The following CD38 variants were observed in gnomAD, a reference collection of about 807,000 sequenced individuals.
CD38 encodes CD38 molecule, also known as ADP-ribosyl cyclase/cyclic ADP-ribose hydrolase 1.
CD38 carries 31 observed loss-of-function variants against 36.3 expected under a neutral mutation model. The ratio of observed to expected loss-of-function variants is 0.85; its 90% CI spans 0.64 to 1.15. The LOEUF (loss-of-function observed/expected upper bound fraction) is 1.15. Among genes scored for constraint, CD38 ranks in the 50% most tolerant of loss-of-function variants. The probability of loss-of-function intolerance (pLI) is 0.00; values close to 1 mark genes in which losing one functional copy is unlikely to be tolerated. For missense variants in CD38, 380 were observed against 371.9 expected (o/e 1.02, Z -0.18); for synonymous variants, 131 against 135.2 (o/e 0.97, Z 0.22).
chr4:15,786,905 A>G (rs1030575038), intron 1 of CD38, among the ~76,000 whole-genome samples: 2 of 152,242 alleles, frequency 1.3e-5, no homozygotes, highest in Admixed American at 6.5e-5. Flanking sequence ...AGGCCCAGCA[A>G]GAATTGGAGC....
intron 2 of CD38, among the ~76,000 whole-genome samples, chr4:15,817,771 G>T (rs185444509): frequency 3.3e-5 from 5 of 152,258 alleles, no homozygotes; most frequent in Non-Finnish European, 5.9e-5. Flanking sequence ...TGAATAGGGG[G>T]AGGAGCCAAG....
At chr4:15,797,740 C>G (rs1723131551) in intron 1 of CD38, among the ~76,000 whole-genome samples, 1 of 152,134 alleles carries the variant, frequency 6.6e-6, no homozygotes, top group Non-Finnish European at 1.5e-5. Flanking sequence ...TGTTCCTTGT[C>G]TTGTTGATGG....
In CD38 at chr4:15,852,716, G is replaced by A. The variant is rs1204820367; in HGVS notation, c.*4114G>A. The A allele has an allele frequency of 2.0e-5, 3 of 152,152 alleles. No individual in the cohort carries two copies. The highest frequency in any genetic ancestry group is 3.9e-4 in the East Asian group (2 of 5,170). 9.4% of individuals were successfully genotyped at this position (152,152 alleles called of 1,614,324 possible). A position where few individuals can be genotyped will look rare whatever the true frequency, so the allele number is the denominator to read the frequency against. ...CCAAGAACTCAGTAGGCAGCTGAGA[G>A]GTGCTGCCCAGAGAAGTGGTGATTA... On this transcript the variant is annotated 3_prime_UTR_variant, in exon 8 of 8. Coordinates refer to ENST00000226279, the MANE Select transcript of CD38 (RefSeq NM_001775.4).
intron 2 of CD38, among the ~76,000 whole-genome samples, chr4:15,816,911 A>G: frequency 6.6e-6 from 1 of 152,210 alleles, no homozygotes; most frequent in East Asian, 1.9e-4. Flanking sequence ...AAAACCTAAC[A>G]CCAAACCCAA....
At chr4:15,819,104 C>T (rs932074373) in intron 2 of CD38, among the ~76,000 whole-genome samples, 6 of 146,876 alleles carry the variant, frequency 4.1e-5, no homozygotes, top group African/African-American at 1.5e-4. Context: ...CCAAACACCA[C>T]ATGTTCTCAC....
chr4:15,816,467 T>A (rs773360648), intron 1 of CD38, 44 bp from the exon 2 acceptor site: 1 of 1,493,894 alleles, frequency 6.7e-7, no homozygotes, highest in Non-Finnish European at 9.1e-7. Flanking sequence ...AAAATATTTT[T>A]AAAATCAAAT....
chr4:15,806,959 A>G (rs1334514558), intron 1 of CD38, among the ~76,000 whole-genome samples: 3 of 152,192 alleles, frequency 2.0e-5, no homozygotes, highest in Non-Finnish European at 4.4e-5. Flanking sequence ...ATGGCAGTCC[A>G]ATTGTCATAA....
chr4:15,783,939 G>A (rs1722752511), intron 1 of CD38, among the ~76,000 whole-genome samples: 1 of 152,146 alleles, frequency 6.6e-6, no homozygotes, highest in Admixed American at 6.5e-5. Context: ...ACTTAGCAAA[G>A]ACTTAGCTGT....
chr4:15,795,717 G>A (rs1221116952), intron 1 of CD38, among the ~76,000 whole-genome samples: 1 of 152,102 alleles, frequency 6.6e-6, no homozygotes, highest in East Asian at 1.9e-4. Context: ...ATTATACGAT[G>A]TTTTAAAAAA....
At chr4:15,833,146 C>T (rs1253114124) in intron 3 of CD38, among the ~76,000 whole-genome samples, 2 of 152,154 alleles carry the variant, frequency 1.3e-5, no homozygotes, top group Non-Finnish European at 2.9e-5. Flanking sequence ...TGGCCCAGGG[C>T]AGGCCCAGAA....
At chr4:15,795,379 C>A (rs1407474658) in intron 1 of CD38, among the ~76,000 whole-genome samples, 1 of 151,858 alleles carries the variant, frequency 6.6e-6, no homozygotes, top group Non-Finnish European at 1.5e-5. Flanking sequence ...GGATAAGAAT[C>A]TTCTATTTAA....
At chr4:15,810,954 A>G (rs989812715) in intron 1 of CD38, among the ~76,000 whole-genome samples, 1 of 152,092 alleles carries the variant, frequency 6.6e-6, no homozygotes, top group Non-Finnish European at 1.5e-5. Context: ...ACATAATTCA[A>G]CCCCTAGCCC....
chr4:15,821,405 G>GT (rs1057359433), intron 2 of CD38, among the ~76,000 whole-genome samples: 2 of 151,784 alleles, frequency 1.3e-5, no homozygotes, highest in African/African-American at 4.8e-5. Context: ...GCAGGAGGTG[G>GT]TTTTTTGAAA....
intron 2 of CD38, 52 bp from the exon 3 acceptor site, chr4:15,824,829 T>C: frequency 6.8e-7 from 1 of 1,460,008 alleles, no homozygotes; most frequent in South Asian, 1.2e-5. Context: ...GATTAATTTT[T>C]TTTGACATGC....
At chr4:15,797,233 A>T (rs1288409930) in intron 1 of CD38, among the ~76,000 whole-genome samples, 1 of 152,160 alleles carries the variant, frequency 6.6e-6, no homozygotes, top group East Asian at 1.9e-4. Context: ...TCTACCTAAC[A>T]ATATATTTTT....
chr4:15,804,686 A>G (rs1321658070), intron 1 of CD38, among the ~76,000 whole-genome samples: 1 of 152,206 alleles, frequency 6.6e-6, no homozygotes, highest in Non-Finnish European at 1.5e-5. Flanking sequence ...CAAGTTTCAT[A>G]TATTCTCACT....
Position 15,848,877 on chromosome 4 carries a change from C to A in CD38, c.*275C>A. 1 of 277,990 alleles carries A rather than the reference C, an allele frequency of 3.6e-6. No homozygotes were observed. The highest frequency in any genetic ancestry group is 6.7e-6 in the Non-Finnish European group (1 of 148,674). The allele number at this position is 277,990 out of a possible 1,614,324, so 17.2% of individuals were successfully genotyped here. ...TACTTCACTTTAATTCTCATGTGAT[C>A]CTTTTATGTTATTTATATATTGGTA... On this transcript the variant is annotated 3_prime_UTR_variant, in exon 8 of 8. Coordinates refer to ENST00000226279, the MANE Select transcript of CD38 (RefSeq NM_001775.4).
At chr4:15,789,593 G>A (rs1295819617) in intron 1 of CD38, among the ~76,000 whole-genome samples, 1 of 152,164 alleles carries the variant, frequency 6.6e-6, no homozygotes, top group Non-Finnish European at 1.5e-5. Context: ...CCCAGAAGTG[G>A]CAGGATGAGA....
intron 1 of CD38, among the ~76,000 whole-genome samples, chr4:15,780,518 TCACACACACACACACACACACACA>T (rs59324393): frequency 7.1e-6 from 1 of 140,028 alleles, no homozygotes; most frequent in Non-Finnish European, 1.5e-5. Context: ...ATTCTCTCTC[TCACACACACACACACACACACACA>T]CACACACACA....
Sources: allele counts gnomAD v4.1 joint callset (sites outside exome capture counted in the v4.1 genomes callset), GRCh38; gene constraint gnomAD v4.1.1; transcripts MANE v1.5; gene names NCBI Gene and HGNC (gene_info 2026-07-23, HGNC 2026-07-21).